CADM2: variants seen among roughly 807,000 people sequenced by gnomAD.
CADM2 encodes the protein cell adhesion molecule 2, also known as immunoglobulin superfamily member 4D.
In CADM2, 12 loss-of-function variants were observed where a neutral mutation model predicts 49.8. The observed-to-expected ratio is 0.24, with a 90% CI of 0.15 to 0.39. The LOEUF (loss-of-function observed/expected upper bound fraction) is 0.39, where lower values mean the gene tolerates loss of function less well. Among genes scored for constraint, CADM2 ranks in the 10% least tolerant of loss-of-function variants. CADM2 has a pLI of 1.00. For synonymous variants in CADM2, 214 were observed against 175.4 expected (o/e 1.22, Z -1.74); for missense variants, 378 against 492.3 (o/e 0.77, Z 2.20).
At chr3:86,012,843 C>T (rs1281627251) in intron 8 of CADM2, 11 of 531,324 alleles carry the variant, frequency 2.1e-5, no homozygotes, top group Admixed American at 9.3e-5. Context: ...GGAGCGGTGG[C>T]GGGCGCCTGT....
intron 3 of CADM2, among the ~76,000 whole-genome samples, chr3:85,849,929 A>G (rs867707701): frequency 1.3e-4 from 20 of 152,176 alleles, no homozygotes; most frequent in African/African-American, 4.8e-4. Flanking sequence ...AAAGTTTGGG[A>G]CACACTAATT....
At chr3:85,359,542 G>GCAAC (rs1378579054) in intron 1 of CADM2, among the ~76,000 whole-genome samples, 1 of 147,594 alleles carries the variant, frequency 6.8e-6, no homozygotes, top group Admixed American at 6.8e-5. Context: ...AGGATCTAAG[G>GCAAC]CAACCCTGAA....
intron 1 of CADM2, among the ~76,000 whole-genome samples, chr3:85,402,323 C>A (rs1244378054): frequency 1.3e-5 from 2 of 151,652 alleles, no homozygotes; most frequent in South Asian, 2.1e-4. Context: ...TATATAAGTT[C>A]TATTATAAGA....
At chr3:85,310,426 G>A (rs1385887285) in intron 1 of CADM2, among the ~76,000 whole-genome samples, 4 of 152,094 alleles carry the variant, frequency 2.6e-5, no homozygotes, top group African/African-American at 9.7e-5. Flanking sequence ...TGAGGGGCAG[G>A]TGCTACACTT....
At chr3:85,223,742 C>G (rs2042089767) in intron 1 of CADM2, among the ~76,000 whole-genome samples, 2 of 152,124 alleles carry the variant, frequency 1.3e-5, no homozygotes, top group East Asian at 1.9e-4. Flanking sequence ...GCCTAATGCT[C>G]TCTCTCCCTG....
intron 1 of CADM2, among the ~76,000 whole-genome samples, chr3:84,968,611 A>T (rs1006720875): frequency 6.6e-6 from 1 of 152,088 alleles, no homozygotes; most frequent in Non-Finnish European, 1.5e-5. Flanking sequence ...TGTGATACAT[A>T]ATACAGTATC....
chr3:85,359,666 A>ATATATTTTTT, intron 1 of CADM2, among the ~76,000 whole-genome samples: 15 of 26,552 alleles, frequency 5.6e-4, no homozygotes, highest in Non-Finnish European at 7.3e-4. Flanking sequence ...ATATATATAT[A>ATATATTTTTT]TTTTTTTTTT....
intron 1 of CADM2, among the ~76,000 whole-genome samples, chr3:84,966,011 G>A (rs1010848517): frequency 2.6e-5 from 4 of 152,092 alleles, no homozygotes; most frequent in Non-Finnish European, 4.4e-5. Context: ...AGGAACTAAC[G>A]TAGCTTTGTA....
At chr3:85,501,750 TC>T (rs2040125921) in intron 1 of CADM2, among the ~76,000 whole-genome samples, 1 of 152,200 alleles carries the variant, frequency 6.6e-6, no homozygotes, top group South Asian at 2.1e-4. Context: ...TATATGTATA[TC>T]TTCGTTTAAT....
chr3:85,859,135 C>G (rs960572083), intron 3 of CADM2, among the ~76,000 whole-genome samples: 12 of 151,716 alleles, frequency 7.9e-5, no homozygotes, highest in African/African-American at 2.9e-4. Context: ...TACTCACACA[C>G]TAACCCTATT....
At chr3:85,510,317 C>A (rs1327645366) in intron 1 of CADM2, among the ~76,000 whole-genome samples, 1 of 152,004 alleles carries the variant, frequency 6.6e-6, no homozygotes, top group Non-Finnish European at 1.5e-5. Flanking sequence ...CACAAGAAAA[C>A]TGCAACTGAC....
chr3:86,014,717 G>A, intron 8 of CADM2: 1 of 1,516,786 alleles, frequency 6.6e-7, no homozygotes, highest in East Asian at 2.3e-5. Context: ...ATGCTGACAT[G>A]TGTAGAAGTG....
At chr3:85,659,331 A>T (rs1350472262) in intron 1 of CADM2, among the ~76,000 whole-genome samples, 1 of 152,046 alleles carries the variant, frequency 6.6e-6, no homozygotes, top group Non-Finnish European at 1.5e-5. Context: ...GCTGCCTGAT[A>T]CATTGGGTAA....
intron 1 of CADM2, among the ~76,000 whole-genome samples, chr3:85,244,561 T>G (rs2107843332): frequency 6.6e-6 from 1 of 152,288 alleles, no homozygotes; most frequent in South Asian, 2.1e-4. Context: ...TTATAACAAT[T>G]TAGCTGTTAT....
chr3:85,526,087 A>C (rs1027480100), intron 1 of CADM2, among the ~76,000 whole-genome samples: 2 of 152,140 alleles, frequency 1.3e-5, no homozygotes, highest in Non-Finnish European at 2.9e-5. Context: ...TGAGTCAGCC[A>C]GGCCTCTCCT....
chr3:85,509,898 G>C (rs987645077), intron 1 of CADM2, among the ~76,000 whole-genome samples: 1 of 151,778 alleles, frequency 6.6e-6, no homozygotes, highest in Non-Finnish European at 1.5e-5. Context: ...ATAAAATAAT[G>C]GAAGAATCTT....
At chr3:85,189,132 A>T (rs997529284) in intron 1 of CADM2, among the ~76,000 whole-genome samples, 3 of 151,692 alleles carry the variant, frequency 2.0e-5, no homozygotes, top group African/African-American at 7.2e-5. Flanking sequence ...GCATCTGTTG[A>T]TACAGAAAGT....
chr3:85,239,003 A>G (rs145099410), intron 1 of CADM2, among the ~76,000 whole-genome samples: 2 of 151,692 alleles, frequency 1.3e-5, no homozygotes, highest in East Asian at 3.9e-4. Context: ...TTGAAGTGTT[A>G]TATGCTTTTT....
chr3:85,525,595 T>C (rs2061143068), intron 1 of CADM2, among the ~76,000 whole-genome samples: 1 of 152,168 alleles, frequency 6.6e-6, no homozygotes, highest in African/African-American at 2.4e-5. Flanking sequence ...TTTATCAATG[T>C]GATAATCATT....
Sources: gnomAD v4.1 joint callset for allele counts (sites outside exome capture counted in the v4.1 genomes callset) on GRCh38, gnomAD v4.1.1 for gene constraint, MANE v1.5 for transcripts, NCBI Gene and HGNC (gene_info 2026-07-23, HGNC 2026-07-21) for gene names.